DLGAP2: variants seen among roughly 807,000 people sequenced by gnomAD.
DLGAP2 encodes disks large-associated protein 2.
A neutral mutation model predicts 100.3 loss-of-function variants in DLGAP2; 26 were observed. The ratio of observed to expected loss-of-function variants is 0.26; its 90% CI spans 0.19 to 0.36. The LOEUF is 0.36. Among genes scored for constraint, DLGAP2 ranks in the 10% least tolerant of loss-of-function variants. The pLI is 1.00. For synonymous variants in DLGAP2, 886 were observed against 630.1 expected, an observed-to-expected ratio of 1.41 and a Z score of -6.08; for missense variants, 1,858 against 1,453.2, an observed-to-expected ratio of 1.28 and a Z score of -4.53.
rs796173465 is a variant in DLGAP2, at chr8:1,227,153, G to GATAGATATATATATAT, written c.74-31695_74-31694insGATATATATATATATA. On this transcript the variant is annotated intron_variant, in intron 2 of 14. Transcript: ENST00000637795. The stretch of plus-strand genomic sequence containing the variant: ...AAATGAATGGGTAAGGAAACTGTGA[G>GATAGATATATATATAT]ATATATATATATATATATATAGTAT... Among the ~76,000 whole-genome samples, 39 of 89,710 alleles carry GATAGATATATATATAT rather than the reference G, an allele frequency of 4.3e-4. 3 individuals are homozygous for GATAGATATATATATAT. In the East Asian group the frequency reaches 6.1e-3, roughly 14 times the overall value. The allele number at this position is 89,710 out of a possible 152,430, so 58.9% of individuals were successfully genotyped here. A position where few individuals can be genotyped will look rare whatever the true frequency, so the allele number is the denominator to read the frequency against.
At chr8:950,427 G>A (rs1799449436) in intron 2 of DLGAP2, among the ~76,000 whole-genome samples, 1 of 151,918 alleles carries the variant, frequency 6.6e-6, no homozygotes, top group Non-Finnish European at 1.5e-5. Context: ...CGCTTCCTGC[G>A]GGTCACGTCA....
intron 2 of DLGAP2, among the ~76,000 whole-genome samples, chr8:1,065,999 G>A (rs781380876): frequency 8.5e-5 from 13 of 152,234 alleles, no homozygotes; most frequent in African/African-American, 1.7e-4. Flanking sequence ...TGGCCACGTC[G>A]TGGTGGTGTC....
chr8:773,730 C>G (rs1277175663), intron 1 of DLGAP2, among the ~76,000 whole-genome samples: 1 of 152,078 alleles, frequency 6.6e-6, no homozygotes, highest in East Asian at 1.9e-4. Context: ...GCCACATTTT[C>G]TTAATCCAGT....
At chr8:1,202,087 T>A (rs1797889153) in intron 2 of DLGAP2, among the ~76,000 whole-genome samples, 1 of 152,102 alleles carries the variant, frequency 6.6e-6, no homozygotes, top group Non-Finnish European at 1.5e-5. Context: ...CTGTGGTGTG[T>A]GCAAGTGTGC....
intron 2 of DLGAP2, among the ~76,000 whole-genome samples, chr8:1,099,017 G>A (rs1264366896): frequency 6.6e-6 from 1 of 152,158 alleles, no homozygotes; most frequent in Non-Finnish European, 1.5e-5. Flanking sequence ...ACATTTCATG[G>A]CTCACTCCTC....
At chr8:1,352,249 G>C (rs540425945) in intron 3 of DLGAP2, among the ~76,000 whole-genome samples, 1 of 124,028 alleles carries the variant, frequency 8.1e-6, no homozygotes, top group African/African-American at 3.1e-5. Context: ...TGGAAAGGCC[G>C]TGTGGGTCCT....
chr8:1,153,235 A>G (rs1796726981), intron 2 of DLGAP2, among the ~76,000 whole-genome samples: 1 of 152,144 alleles, frequency 6.6e-6, no homozygotes, highest in Admixed American at 6.5e-5. Flanking sequence ...GAGAATCATC[A>G]GTCTCGATCT....
chr8:1,264,865 C>T (rs1472392956), intron 3 of DLGAP2, among the ~76,000 whole-genome samples: 4 of 152,124 alleles, frequency 2.6e-5, no homozygotes, highest in African/African-American at 9.7e-5. Flanking sequence ...GAGGGTGAGT[C>T]TTTCCCGTGC....
intron 3 of DLGAP2, among the ~76,000 whole-genome samples, chr8:1,372,719 G>A (rs1209178862): frequency 6.6e-6 from 1 of 152,216 alleles, no homozygotes; most frequent in Non-Finnish European, 1.5e-5. Flanking sequence ...AGATCAGAGA[G>A]AGATAAAACT....
rs534936519 is a variant in DLGAP2, at chr8:990,192, G to T, written c.73+82226G>T. Among the ~76,000 whole-genome samples, 7 of 152,102 alleles carry T rather than the reference G, an allele frequency of 4.6e-5. No individual in the cohort carries two copies. The South Asian group carries it at 6.2e-4, about 14-fold the overall frequency. On this transcript the variant is annotated intron_variant, in intron 2 of 14. Coordinates refer to ENST00000637795, the MANE Select transcript of DLGAP2 (RefSeq NM_001346810.2). ...TATTAGTGGTCCATTCTTTTTGTTG[G>T]TGAGAGTATTCCCAACTTTTCACCT...
intron 3 of DLGAP2, among the ~76,000 whole-genome samples, chr8:1,418,556 G>T (rs1466882072): frequency 6.6e-6 from 1 of 152,094 alleles, no homozygotes; most frequent in Admixed American, 6.5e-5. Context: ...GGCTGCCAGT[G>T]CTCTCTCTGC....
At chr8:1,210,332 C>T (rs1347278385) in intron 2 of DLGAP2, among the ~76,000 whole-genome samples, 1 of 143,668 alleles carries the variant, frequency 7.0e-6, no homozygotes, top group Non-Finnish European at 1.5e-5. Flanking sequence ...GGCATGTGTC[C>T]AGGGCCAGAT....
chr8:1,598,807 A>G (rs968173441), intron 6 of DLGAP2, among the ~76,000 whole-genome samples: 2 of 152,090 alleles, frequency 1.3e-5, no homozygotes, highest in Admixed American at 1.3e-4. Flanking sequence ...AATCTTTTCA[A>G]AAAACCAGCT....
At chr8:1,250,450 G>A (rs149577854) in intron 2 of DLGAP2, 1 of 152,166 alleles carries the variant, frequency 6.6e-6, no homozygotes, top group Non-Finnish European at 1.5e-5. Flanking sequence ...CGTGGTAGAT[G>A]TTCAGTCATG....
rs149664523 is a variant in DLGAP2, at chr8:921,591, TG to T, written c.73+13627del. ...CCATAGACAGTCTGTGGGATTGTCC[TG>T]GTCCCGTGTCCCTTCTGCCTGGAGG... On this transcript the variant is annotated intron_variant, in intron 2 of 14. Coordinates refer to ENST00000637795, the MANE Select transcript of DLGAP2 (RefSeq NM_001346810.2). Among the ~76,000 whole-genome samples, 28 of 152,372 alleles carry T rather than the reference TG, an allele frequency of 1.8e-4. No individual in the cohort carries two copies. In the East Asian group the frequency reaches 3.3e-3, roughly 18 times the overall value.
At chr8:1,152,599 G>GT (rs72577737) in intron 2 of DLGAP2, among the ~76,000 whole-genome samples, 4 of 152,152 alleles carry the variant, frequency 2.6e-5, no homozygotes, top group African/African-American at 7.2e-5. Context: ...TGTCATGGGG[G>GT]GCCCAGCAGG....
At chr8:1,378,511 G>T (rs540468827) in intron 3 of DLGAP2, among the ~76,000 whole-genome samples, 2 of 132,604 alleles carry the variant, frequency 1.5e-5, no homozygotes, top group African/African-American at 5.8e-5. Flanking sequence ...TCTTTCCTGC[G>T]CACACCTGAC....
intron 2 of DLGAP2, among the ~76,000 whole-genome samples, chr8:1,078,506 G>T (rs535230838): frequency 2.6e-5 from 4 of 152,124 alleles, no homozygotes; most frequent in Non-Finnish European, 5.9e-5. Flanking sequence ...GCCCACCCTG[G>T]CAGCATCACA....
chr8:1,526,563 A>G (rs1800799967), intron 4 of DLGAP2, among the ~76,000 whole-genome samples: 1 of 152,226 alleles, frequency 6.6e-6, no homozygotes, highest in South Asian at 2.1e-4. Flanking sequence ...TTGTTCTCAT[A>G]GCGAGACTTC....
Sources: allele counts gnomAD v4.1 joint callset (sites outside exome capture counted in the v4.1 genomes callset), GRCh38; gene constraint gnomAD v4.1.1; transcripts MANE v1.5; gene names NCBI Gene and HGNC (gene_info 2026-07-23, HGNC 2026-07-21).